DCHS2: variants seen among roughly 807,000 people sequenced by gnomAD.
DCHS2 encodes the protein dachsous cadherin-related 2, also known as protocadherin-23.
DCHS2 carries 142 observed loss-of-function variants against 182.4 expected under a neutral mutation model. The observed-to-expected ratio is 0.78, with a 90% CI of 0.68 to 0.89. The LOEUF (loss-of-function observed/expected upper bound fraction) is 0.89. Among genes scored for constraint, DCHS2 ranks in the 40% least tolerant of loss-of-function variants. The pLI is 0.00. For synonymous variants in DCHS2, 1,740 were observed against 1,663.3 expected (o/e 1.05, Z -1.12); for missense variants, 4,319 against 4,198.6 (o/e 1.03, Z -0.79).
At chr4:154,434,296 C>T (rs1450127225) in intron 1 of DCHS2, among the ~76,000 whole-genome samples, 1 of 152,048 alleles carries the variant, frequency 6.6e-6, no homozygotes, top group Non-Finnish European at 1.5e-5. Context: ...GAGGTGTGCA[C>T]CTATAGCCCC....
At chr4:154,390,849 C>T (rs1434511313) in intron 1 of DCHS2, among the ~76,000 whole-genome samples, 1 of 152,102 alleles carries the variant, frequency 6.6e-6, no homozygotes, top group Non-Finnish European at 1.5e-5. Flanking sequence ...CAATCCATGA[C>T]CGAATATTTT....
chr4:154,279,156 G>C (rs746518244), intron 13 of DCHS2, among the ~76,000 whole-genome samples: 1 of 152,124 alleles, frequency 6.6e-6, no homozygotes, highest in South Asian at 2.1e-4. Context: ...TTGAGCTAGA[G>C]CTGTTATAAA....
At chr4:154,466,305 C>G (rs370701199) in intron 1 of DCHS2, among the ~76,000 whole-genome samples, 25 of 152,210 alleles carry the variant, frequency 1.6e-4, no homozygotes, top group African/African-American at 5.3e-4. Context: ...GAGATGAAAG[C>G]CTTCATTACT....
chr4:154,293,596 A>C (rs1257715287), intron 13 of DCHS2, among the ~76,000 whole-genome samples: 2 of 152,192 alleles, frequency 1.3e-5, no homozygotes, highest in African/African-American at 4.8e-5. Context: ...ACACGTGAGA[A>C]GCACATTCCT....
chr4:154,357,111 C>A (rs1487891165), intron 3 of DCHS2: 2 of 688,062 alleles, frequency 2.9e-6, no homozygotes, highest in Admixed American at 2.2e-5. Flanking sequence ...ATCAACGAAC[C>A]TTTGGCCTGC....
chr4:154,294,838 G>A (rs1734849709), intron 13 of DCHS2, among the ~76,000 whole-genome samples: 1 of 152,198 alleles, frequency 6.6e-6, no homozygotes, highest in African/African-American at 2.4e-5. Flanking sequence ...TGGCAGGGCT[G>A]GGTAAGCTCT....
rs199992069 is a variant in DCHS2 at position 154,236,356 on chromosome 4, C to T, written c.8296G>A (p.Ala2766Thr). The change falls in exon 20 of 20, where the codon GCA becomes ACA. Residue 2766 changes from alanine (A) to threonine (T), a missense_variant. Physicochemically the swap from Ala to Thr is moderately conservative, Grantham distance 58. Coordinates refer to ENST00000357232, the MANE Select transcript of DCHS2 (RefSeq NM_001358235.2). ...FVSVLDDNDH[A>T]PQFMFSSFSC... ...AAGCTTGAGAACATAAACTGAGGTGCATGGTCGTTATCATCCAGGACACTG... is the reference window on the plus strand; with the variant it reads ...AAGCTTGAGAACATAAACTGAGGTGTATGGTCGTTATCATCCAGGACACTG... 281 of 1,613,964 alleles carry T rather than the reference C, an allele frequency of 1.7e-4. 2 individuals carry two copies. The highest frequency in any genetic ancestry group is 4.2e-5 in the Non-Finnish European group (49 of 1,179,988).
At chr4:154,273,345 G>A (rs1733685477) in intron 13 of DCHS2, among the ~76,000 whole-genome samples, 1 of 152,132 alleles carries the variant, frequency 6.6e-6, no homozygotes, top group Non-Finnish European at 1.5e-5. Flanking sequence ...TCTAAGTGAA[G>A]TAACTCAGGA....
At chr4:154,252,877 T>G (rs1448345172) in intron 16 of DCHS2, among the ~76,000 whole-genome samples, 1 of 152,002 alleles carries the variant, frequency 6.6e-6, no homozygotes, top group Non-Finnish European at 1.5e-5. Flanking sequence ...TGAGGAAATG[T>G]TTTATATTTT....
intron 1 of DCHS2, among the ~76,000 whole-genome samples, chr4:154,389,621 A>G (rs1579038142): frequency 6.6e-6 from 1 of 151,206 alleles, no homozygotes; most frequent in East Asian, 1.9e-4. Flanking sequence ...ATATTTTACA[A>G]AAATTTCATT....
At chr4:154,448,010 C>T (rs1734372604) in intron 1 of DCHS2, among the ~76,000 whole-genome samples, 1 of 152,152 alleles carries the variant, frequency 6.6e-6, no homozygotes, top group Non-Finnish European at 1.5e-5. Flanking sequence ...CAAACTACCT[C>T]AGTCCTGTTT....
At chr4:154,397,692 G>A (rs1731992524) in intron 1 of DCHS2, among the ~76,000 whole-genome samples, 1 of 152,036 alleles carries the variant, frequency 6.6e-6, no homozygotes, top group Non-Finnish European at 1.5e-5. Flanking sequence ...ATTCTCCCAA[G>A]GACAGGCAAA....
chr4:154,232,016 A>G lies in DCHS2; in HGVS notation c.*2520T>C, dbSNP rs1410692864. 6.6e-6 allele frequency: 1 copy of G among 152,092 alleles called. No individual in the cohort carries two copies. The highest frequency in any genetic ancestry group is 1.5e-5 in the Non-Finnish European group (1 of 68,014). The allele number at this position is 152,092 out of a possible 1,614,324, so 9.4% of individuals were successfully genotyped here. A position where few individuals can be genotyped will look rare whatever the true frequency, so the allele number is the denominator to read the frequency against. On this transcript the variant is annotated 3_prime_UTR_variant, in exon 20 of 20. Coordinates refer to ENST00000357232, the MANE Select transcript of DCHS2 (RefSeq NM_001358235.2). ...TAAGGCTGCCAACAAGAAAGTCCAG[A>G]ATTTCATCAGGCAGCCAAAATTCCA...
At chr4:154,436,902 A>G (rs555660268) in intron 1 of DCHS2, among the ~76,000 whole-genome samples, 2 of 152,248 alleles carry the variant, frequency 1.3e-5, no homozygotes, top group Non-Finnish European at 2.9e-5. Flanking sequence ...TCCATCGATT[A>G]CATGTTGAAA....
intron 3 of DCHS2, chr4:154,343,646 C>T (rs944240135): frequency 2.1e-5 from 31 of 1,466,346 alleles, no homozygotes; most frequent in African/African-American, 2.8e-5. Flanking sequence ...TTTCAACCTT[C>T]CTATATTTAA....
intron 1 of DCHS2, among the ~76,000 whole-genome samples, chr4:154,420,025 C>G (rs1048384295): frequency 1.3e-4 from 20 of 151,982 alleles, no homozygotes; most frequent in African/African-American, 4.8e-4. Context: ...AGAATGGTTT[C>G]TAAGAAGGTA....
intron 1 of DCHS2, among the ~76,000 whole-genome samples, chr4:154,458,447 T>C (rs1461002556): frequency 3.9e-5 from 6 of 152,200 alleles, no homozygotes; most frequent in African/African-American, 1.2e-4. Flanking sequence ...TAATATTCTC[T>C]TGTTCATTAT....
At chr4:154,437,399 G>C (rs140203824) in intron 1 of DCHS2, among the ~76,000 whole-genome samples, 1 of 152,134 alleles carries the variant, frequency 6.6e-6, no homozygotes, top group East Asian at 1.9e-4. Context: ...GGAAGGCAGC[G>C]ACTACTGAAA....
intron 13 of DCHS2, among the ~76,000 whole-genome samples, chr4:154,284,838 C>T (rs1030355389): frequency 4.6e-5 from 7 of 152,070 alleles, no homozygotes; most frequent in African/African-American, 1.4e-4. Context: ...AGGAATTGTG[C>T]GGGGCTTGAA....
Sources: allele counts gnomAD v4.1 joint callset (sites outside exome capture counted in the v4.1 genomes callset), GRCh38; gene constraint gnomAD v4.1.1; transcripts MANE v1.5; gene names NCBI Gene and HGNC (gene_info 2026-07-23, HGNC 2026-07-21).